LRMDA: variants seen among roughly 807,000 people sequenced by gnomAD.
The protein encoded by LRMDA is leucine-rich melanocyte differentiation-associated protein.
Under a neutral mutation model 29.8 loss-of-function variants are expected in LRMDA, and 18 were observed. The observed-to-expected ratio is 0.60, with a 90% CI of 0.42 to 0.90. The LOEUF (loss-of-function observed/expected upper bound fraction) is 0.90. Ranked by LOEUF, LRMDA falls within the 40% of genes least tolerant of loss-of-function variation. The pLI, the probability that LRMDA is intolerant of heterozygous loss-of-function variation, is 0.00. For missense variants in LRMDA, 273 were observed against 273.9 expected (o/e 1.00, Z 0.02); for synonymous variants, 125 against 109.4 (o/e 1.14, Z -0.89).
chr10:76,306,154 T>C (rs1473547998), intron 5 of LRMDA, among the ~76,000 whole-genome samples: 3 of 152,230 alleles, frequency 2.0e-5, no homozygotes, highest in Non-Finnish European at 4.4e-5. Flanking sequence ...AGTTTTTTTA[T>C]ATCCTTATCC....
chr10:76,233,039 A>G (rs1852089455), intron 5 of LRMDA, among the ~76,000 whole-genome samples: 1 of 152,208 alleles, frequency 6.6e-6, no homozygotes, highest in African/African-American at 2.4e-5. Flanking sequence ...ATGGGAAGAC[A>G]AGTTCTCAGT....
intron 2 of LRMDA, among the ~76,000 whole-genome samples, chr10:75,507,317 G>T (rs1408418712): frequency 6.6e-6 from 1 of 152,146 alleles, no homozygotes; most frequent in Non-Finnish European, 1.5e-5. Context: ...ACCCCAGCAA[G>T]GGCAGGAGCT....
chr10:75,857,191 T>A (rs578227317), intron 2 of LRMDA, among the ~76,000 whole-genome samples: 2 of 152,174 alleles, frequency 1.3e-5, no homozygotes, highest in East Asian at 3.9e-4. Context: ...CAGGGAAAAG[T>A]CCCAGCAGAT....
chr10:75,795,768 C>G (rs1843641839), intron 2 of LRMDA, among the ~76,000 whole-genome samples: 1 of 152,068 alleles, frequency 6.6e-6, no homozygotes. Context: ...AATTGAGAAC[C>G]ACCCTGTCAA....
chr10:76,212,959 C>T (rs1326274870), intron 5 of LRMDA, among the ~76,000 whole-genome samples: 1 of 152,206 alleles, frequency 6.6e-6, no homozygotes, highest in Non-Finnish European at 1.5e-5. Flanking sequence ...GGCCACACAT[C>T]TGACTTCCCA....
At chr10:75,555,026 A>T (rs1379145813) in intron 2 of LRMDA, among the ~76,000 whole-genome samples, 2 of 152,144 alleles carry the variant, frequency 1.3e-5, no homozygotes, top group Non-Finnish European at 2.9e-5. Context: ...CTTTTCAGTT[A>T]GTCCTGAGGG....
Position 76,496,234 on chromosome 10 carries a change from G to A in LRMDA, c.602-60975G>A, listed in dbSNP as rs376483588. On this transcript the variant is annotated intron_variant, in intron 6 of 6. Transcript: ENST00000611255. The stretch of plus-strand genomic sequence containing the variant: ...GGTCCTTTCAGGTAGTTTTCTTCTA[G>A]CTCTTTTCTAAAAACTCATGTAGTT... Among the ~76,000 whole-genome samples, 6 of 74,932 alleles carry A rather than the reference G, an allele frequency of 8.0e-5. 2 individuals carry two copies. The East Asian group carries it at 1.5e-3, about 19-fold the overall frequency. The allele number at this position is 74,932 out of a possible 152,430, so 49.2% of individuals were successfully genotyped here. A position where few individuals can be genotyped will look rare whatever the true frequency, so the allele number is the denominator to read the frequency against.
intron 6 of LRMDA, among the ~76,000 whole-genome samples, chr10:76,475,342 C>T (rs1327376153): frequency 6.6e-6 from 1 of 151,658 alleles, no homozygotes; most frequent in African/African-American, 2.4e-5. Context: ...TTTATTATAT[C>T]TCAATAAAAC....
Position 75,431,745 on chromosome 10 carries a change from T to C in LRMDA, c.21T>C (p.Arg7=). The change falls in exon 1 of 7, where the codon CGT becomes CGC. Residue 7 remains arginine, a synonymous_variant. Coordinates refer to ENST00000611255, the MANE Select transcript of LRMDA (RefSeq NM_001305581.2). MAGLVV[R]GTQVSYIGQD... ...CCGCCATGGCCGGGCTCGTGGTGCGTGGAACTCAAGTAAGTCCCGGCCAGC... is the reference window on the plus strand; with the variant it reads ...CCGCCATGGCCGGGCTCGTGGTGCGCGGAACTCAAGTAAGTCCCGGCCAGC... 7.3e-7 allele frequency: 1 copy of C among 1,375,134 alleles called. No homozygotes were observed. The highest frequency in any genetic ancestry group is 1.8e-5 in the South Asian group (1 of 55,630). 85.2% of individuals were successfully genotyped at this position (1,375,134 alleles called of 1,614,324 possible). A position where few individuals can be genotyped will look rare whatever the true frequency, so the allele number is the denominator to read the frequency against.
chr10:76,208,138 A>G (rs990477875), intron 5 of LRMDA, among the ~76,000 whole-genome samples: 1 of 152,158 alleles, frequency 6.6e-6, no homozygotes, highest in African/African-American at 2.4e-5. Context: ...TATTATATAA[A>G]CCAACGAACT....
intron 6 of LRMDA, among the ~76,000 whole-genome samples, chr10:76,349,885 A>C (rs1841153747): frequency 6.6e-6 from 1 of 152,160 alleles, no homozygotes; most frequent in Non-Finnish European, 1.5e-5. Context: ...ATACATGCTC[A>C]GATCAATATG....
intron 2 of LRMDA, among the ~76,000 whole-genome samples, chr10:75,491,737 G>A (rs1047603893): frequency 3.3e-5 from 5 of 152,078 alleles, no homozygotes; most frequent in African/African-American, 1.2e-4. Flanking sequence ...GTAGGGATTT[G>A]GTCTTGACTG....
At chr10:76,328,223 T>C (rs531835583) in intron 6 of LRMDA, among the ~76,000 whole-genome samples, 63 of 152,324 alleles carry the variant, frequency 4.1e-4, no homozygotes, top group Non-Finnish European at 7.8e-4. Flanking sequence ...CGCTAAAATA[T>C]CTGTTGGAGA....
chr10:75,729,907 C>T (rs1268323646), intron 2 of LRMDA, among the ~76,000 whole-genome samples: 2 of 152,188 alleles, frequency 1.3e-5, no homozygotes, highest in African/African-American at 2.4e-5. Context: ...AAGCAATCCT[C>T]TCACCTCAGC....
At chr10:75,539,973 T>C (rs1369739049) in intron 2 of LRMDA, among the ~76,000 whole-genome samples, 2 of 152,208 alleles carry the variant, frequency 1.3e-5, no homozygotes, top group Non-Finnish European at 2.9e-5. Context: ...TATTAACAGA[T>C]TCACTATATG....
chr10:75,472,890 C>G (rs113671803), intron 2 of LRMDA, among the ~76,000 whole-genome samples: 1 of 152,152 alleles, frequency 6.6e-6, no homozygotes, highest in African/African-American at 2.4e-5. Context: ...GGAGGGTGGG[C>G]GTGGCCAGAT....
chr10:75,453,973 C>A (rs1397412120), intron 2 of LRMDA, among the ~76,000 whole-genome samples: 1 of 152,216 alleles, frequency 6.6e-6, no homozygotes, highest in Non-Finnish European at 1.5e-5. Flanking sequence ...GGAATATGAT[C>A]TGTTTCTATG....
intron 6 of LRMDA, among the ~76,000 whole-genome samples, chr10:76,353,677 A>G (rs899770627): frequency 6.6e-6 from 1 of 152,128 alleles, no homozygotes; most frequent in Non-Finnish European, 1.5e-5. Flanking sequence ...ATCACAGTGC[A>G]CAGTCTGGAG....
chr10:75,964,846 C>T (rs890989006), intron 2 of LRMDA, among the ~76,000 whole-genome samples: 1 of 152,220 alleles, frequency 6.6e-6, no homozygotes, highest in Non-Finnish European at 1.5e-5. Context: ...CGGCTCACTG[C>T]AACCTCCAAC....
Sources: gnomAD v4.1 joint callset for allele counts (sites outside exome capture counted in the v4.1 genomes callset) on GRCh38, gnomAD v4.1.1 for gene constraint, MANE v1.5 for transcripts, NCBI Gene and HGNC (gene_info 2026-07-23, HGNC 2026-07-21) for gene names.